Variants in NSMAF observed in about 807,000 individuals in gnomAD.
NSMAF encodes the protein protein FAN.
A neutral mutation model predicts 134.9 loss-of-function variants in NSMAF; 90 were observed. The ratio of observed to expected loss-of-function variants is 0.67; its 90% CI spans 0.56 to 0.79. NSMAF has a LOEUF of 0.79. NSMAF is among the 30% of genes least tolerant of loss of function. The probability of loss-of-function intolerance (pLI) is 0.00; values close to 1 mark genes in which losing one functional copy is unlikely to be tolerated. For missense variants in NSMAF, 1,010 were observed against 1,119.0 expected (o/e 0.90, Z 1.39); for synonymous variants, 358 against 389.6 (o/e 0.92, Z 0.96).
intron 19 of NSMAF, 105 bp downstream of exon 19, chr8:58,599,127 G>C (rs949345428): frequency 2.1e-5 from 23 of 1,114,164 alleles, no homozygotes; most frequent in Non-Finnish European, 2.9e-5. Flanking sequence ...TAATTGCTTT[G>C]GCCTCATTTT....
chr8:58,620,193 C>G (rs1806753249), intron 9 of NSMAF, among the ~76,000 whole-genome samples: 1 of 152,158 alleles, frequency 6.6e-6, no homozygotes, highest in South Asian at 2.1e-4. Flanking sequence ...TAGGTAGGTA[C>G]TTATTGCAAC....
At chr8:58,586,862 T>C (rs1467843157) in intron 27 of NSMAF, among the ~76,000 whole-genome samples, 2 of 152,214 alleles carry the variant, frequency 1.3e-5, no homozygotes, top group East Asian at 3.8e-4. Context: ...TAATGCTGTT[T>C]TAAAATAGCT....
Position 58,585,281 on chromosome 8 carries a change from T to G in NSMAF, c.2659+371A>C, listed in dbSNP as rs571886905. Among the ~76,000 whole-genome samples the G allele has an allele frequency of 6.6e-5, 10 of 151,898 alleles. No individual in the cohort carries two copies. In the East Asian group the frequency reaches 1.7e-3, roughly 26 times the overall value. Reference sequence around the variant, plus strand: ...AGGAGTCAGCGGTAGAAAGAAGCCTTAATTTTCATTGTAGTTCCTATTGTA... The same window carrying G: ...AGGAGTCAGCGGTAGAAAGAAGCCTGAATTTTCATTGTAGTTCCTATTGTA... On this transcript the variant is annotated intron_variant, in intron 30 of 30. Coordinates refer to ENST00000038176, the MANE Select transcript of NSMAF (RefSeq NM_003580.4).
chr8:58,620,819 G>A (rs1806773613), intron 9 of NSMAF, among the ~76,000 whole-genome samples: 1 of 152,134 alleles, frequency 6.6e-6, no homozygotes, highest in African/African-American at 2.4e-5. Context: ...GAGCTAATGG[G>A]GGTCTGGGAA....
In NSMAF at chr8:58,599,103, T is replaced by C. The variant is rs530026085; in HGVS notation, c.1585+129A>G. ...GGAGTCTGACAGAACATGCTTCCAC[T>C]GAAGAAATAAGACTAATTGCTTTGG... On this transcript the variant is annotated intron_variant, in intron 19 of 30. Transcript: ENST00000038176. 4.6e-5 allele frequency: 40 copies of C among 861,864 alleles called. 1 individual carries two copies. The South Asian group carries it at 7.0e-4, about 15-fold the overall frequency. 53.4% of individuals were successfully genotyped at this position (861,864 alleles called of 1,614,324 possible). A position where few individuals can be genotyped will look rare whatever the true frequency, so the allele number is the denominator to read the frequency against.
At position 58,598,033 on chromosome 8, in the gene NSMAF, C is replaced by T. The variant is rs1229921821; in HGVS notation, c.1586-131G>A. ...ATTGCTATTCACTTTGCAAAACAGA[C>T]TAATATCCAACTGCAGTAAATACCA... On this transcript the variant is annotated intron_variant, in intron 19 of 30. Transcript: ENST00000038176. 8 of 662,286 alleles carry T rather than the reference C, an allele frequency of 1.2e-5. No individual in the cohort carries two copies. In the Admixed American group the frequency reaches 2.1e-4, roughly 17 times the overall value. 41.0% of individuals were successfully genotyped at this position (662,286 alleles called of 1,614,324 possible). A position where few individuals can be genotyped will look rare whatever the true frequency, so the allele number is the denominator to read the frequency against.
chr8:58,586,705 A>AATTAAACTCT, intron 27 of NSMAF, 97 bp from the exon 28 acceptor site: 1 of 987,844 alleles, frequency 1.0e-6, no homozygotes, highest in East Asian at 2.4e-5. Flanking sequence ...TCATGATATA[A>AATTAAACTCT]ATTAAACTCT....
At position 58,601,369 on chromosome 8, in the gene NSMAF, G is replaced by C. The variant is rs776139294; in HGVS notation, c.1217-21C>G. The C allele has an allele frequency of 5.0e-6, 8 of 1,612,564 alleles. No individual in the cohort carries two copies. In the Admixed American group the frequency reaches 8.3e-5, roughly 17 times the overall value. On this transcript the variant is annotated intron_variant, in intron 15 of 30. Coordinates refer to ENST00000038176, the MANE Select transcript of NSMAF (RefSeq NM_003580.4). ...TGGTGCTAGAGGGGAAAAAGTCAGA[G>C]GTAAGTCAGGTCACAGAATCATTGA...
At chr8:58,601,800 G>A (rs1232709796) in intron 14 of NSMAF, among the ~76,000 whole-genome samples, 1 of 152,148 alleles carries the variant, frequency 6.6e-6, no homozygotes, top group African/African-American at 2.4e-5. Context: ...TGTCTCTTAT[G>A]CGATTTACCA....
rs1318671884 is a variant in NSMAF at position 58,635,173 on chromosome 8, TTTA to T, written c.333+13_333+15del. On this transcript the variant is annotated intron_variant, in intron 5 of 30. Coordinates refer to ENST00000038176, the MANE Select transcript of NSMAF (RefSeq NM_003580.4). The stretch of plus-strand genomic sequence containing the variant: ...TGTTCATTCAGATTAGGAAAAAATA[TTTA>T]TTATGTGCTTACCTGACTGAAAATG... 3.8e-6 allele frequency: 6 copies of T among 1,597,718 alleles called. No homozygotes were observed. The highest frequency in any genetic ancestry group is 5.1e-6 in the Non-Finnish European group (6 of 1,168,176).
Position 58,586,474 on chromosome 8 carries a change from G to A in NSMAF, c.2430C>T (p.Asp810=), listed in dbSNP as rs1585722311. ...AATATCTACCTGGGCTAAAAGCAGT[G>A]TCACATACAATCCCTGAATGGCATG... The part of the protein sequence containing the change: ...QIPCHSGIVC[D]TAFSPDSRHV... The change falls in exon 28 of 31, where the codon GAC becomes GAT. Residue 810 remains aspartate, a synonymous_variant. Coordinates refer to ENST00000038176, the MANE Select transcript of NSMAF (RefSeq NM_003580.4). The A allele has an allele frequency of 6.2e-7, 1 of 1,608,614 alleles. No homozygotes were observed. The highest frequency in any genetic ancestry group is 1.1e-5 in the South Asian group (1 of 91,080).
At chr8:58,624,196 C>T (rs1013913299) in intron 6 of NSMAF, among the ~76,000 whole-genome samples, 4 of 151,984 alleles carry the variant, frequency 2.6e-5, no homozygotes, top group East Asian at 3.9e-4. Context: ...TGTGCACCAC[C>T]GCACCCGGCT....
At chr8:58,633,984 T>C (rs1319537305) in intron 5 of NSMAF, among the ~76,000 whole-genome samples, 1 of 152,180 alleles carries the variant, frequency 6.6e-6, no homozygotes, top group East Asian at 1.9e-4. Flanking sequence ...AACTAAAATG[T>C]ATAGTTTTAT....
intron 1 of NSMAF, among the ~76,000 whole-genome samples, chr8:58,649,446 G>T (rs151241201): frequency 1.3e-5 from 2 of 152,294 alleles, no homozygotes; most frequent in African/African-American, 4.8e-5. Flanking sequence ...GGGAAGAAAT[G>T]ATTGTATTTT....
chr8:58,602,230 GT>G (rs929660705), intron 13 of NSMAF, 93 bp from the exon 14 acceptor site: 8 of 990,622 alleles, frequency 8.1e-6, no homozygotes, highest in Non-Finnish European at 1.2e-5. Context: ...TTCCACAAAA[GT>G]TTTTTTAAAA....
intron 27 of NSMAF, 48 bp downstream of exon 27, chr8:58,587,570 C>T (rs778026731): frequency 6.5e-7 from 1 of 1,546,166 alleles, no homozygotes; most frequent in South Asian, 1.1e-5. Flanking sequence ...AGCCGAACCC[C>T]TAGACTTTTA....
chr8:58,587,646 A>G lies in NSMAF; in HGVS notation c.2267T>C (p.Leu756Ser), dbSNP rs1041870681. ...MPGTKRHHFD[L>S]LAELEHDVSV... ...GACATCATGTTCCAGCTCGGCCAGC[A>G]AGTCAAAGTGGTGTCTTTTGGTGCC... is the stretch of plus-strand genomic sequence containing the variant. Residue 756 changes from leucine to serine, a missense_variant, in exon 27 of 31, where the codon TTG (leucine) becomes TCG (serine). Physicochemically the swap from Leu to Ser is moderately radical, Grantham distance 145. Coordinates refer to ENST00000038176, the MANE Select transcript of NSMAF (RefSeq NM_003580.4). The G allele has an allele frequency of 8.1e-6, 13 of 1,614,202 alleles. 1 individual carries two copies. Among genetic ancestry groups the G allele is most frequent in the Non-Finnish European group, 1.1e-5 (13 of 1,180,022 alleles).
chr8:58,603,307 G>C lies in NSMAF; in HGVS notation c.948C>G (p.Leu316=), dbSNP rs1163660281. ...QRGHLSNYQY[L]LHLNNLADRS... ...GGTCGGCCAGGTTGTTGAGGTGAAG[G>C]AGGTACTGATAGTTGGAAAGGTGTC... Residue 316 remains leucine, a synonymous_variant, in exon 13 of 31, where the codon CTC becomes CTG. Transcript: ENST00000038176. 6.2e-7 allele frequency: 1 copy of C among 1,614,164 alleles called. No homozygotes were observed. Among genetic ancestry groups the C allele is most frequent in the Admixed American group, 1.7e-5 (1 of 60,010 alleles).
Position 58,603,271 on chromosome 8 carries a change from G to A in NSMAF, c.984C>T (p.Asn328=), listed in dbSNP as rs144515120. 1.7e-4 allele frequency: 269 copies of A among 1,614,080 alleles called. No individual in the cohort carries two copies. Among genetic ancestry groups the A allele is most frequent in the Middle Eastern group, 3.3e-4 (2 of 6,084 alleles). ...HLNNLADRSC[N]DLSQYPVFPW... is the part of the protein sequence containing the mutation. ...GAAACACAGGGTACTGGGAGAGGTC[G>A]TTGCAGCTGCGGTCGGCCAGGTTGT... Residue 328 remains asparagine (N), a synonymous_variant, in exon 13 of 31, where the codon AAC becomes AAT. Transcript: ENST00000038176.
Sources: allele counts gnomAD v4.1 joint callset (sites outside exome capture counted in the v4.1 genomes callset), GRCh38; gene constraint gnomAD v4.1.1; transcripts MANE v1.5; gene names NCBI Gene and HGNC (gene_info 2026-07-23, HGNC 2026-07-21).